AP3S2: variants seen among roughly 807,000 people sequenced by gnomAD.
AP3S2 encodes the protein adaptor related protein complex 3 subunit sigma 2.
AP3S2 carries 22 observed loss-of-function variants against 23.4 expected under a neutral mutation model. That is an observed-to-expected ratio of 0.94 (90% CI 0.67 to 1.34). The LOEUF is 1.34. Among genes scored for constraint, AP3S2 ranks in the 40% most tolerant of loss-of-function variants. AP3S2 has a pLI of 0.00. For synonymous variants in AP3S2, 86 were observed against 87.1 expected (o/e 0.99, Z 0.07); for missense variants, 241 against 236.9 (o/e 1.02, Z -0.11).
At chr15:89,837,552 C>T (rs1895223276) in intron 5 of AP3S2, 63 bp downstream of exon 5, 14 of 1,593,584 alleles carry the variant, frequency 8.8e-6, no homozygotes, top group Non-Finnish European at 1.0e-5. Flanking sequence ...CACATGTACA[C>T]ACTCCTGCCT....
Position 89,871,479 on chromosome 15 carries a change from T to C in AP3S2, c.341A>G (p.Asp114Gly). ...VCELDLIFHMDKVHYILQEVV... is the reference protein window; with the variant it reads ...VCELDLIFHMGKVHYILQEVV... ...GAGAACTGCAAGAGAATATACCTTATCCATATGGAAGATCAAATCCAATTC... is the reference window on the plus strand; with the variant it reads ...GAGAACTGCAAGAGAATATACCTTACCCATATGGAAGATCAAATCCAATTC... The change falls in exon 4 of 6, where the codon GAT becomes GGT. Residue 114 changes from aspartate to glycine, a missense_variant. Coordinates refer to ENST00000336418, the MANE Select transcript of AP3S2 (RefSeq NM_005829.5). 6.2e-7 allele frequency: 1 copy of C among 1,613,458 alleles called. No homozygotes were observed. Among genetic ancestry groups the C allele is most frequent in the East Asian group, 2.2e-5 (1 of 44,802 alleles).
chr15:89,863,979 A>G (rs752225681), intron 4 of AP3S2, among the ~76,000 whole-genome samples: 66 of 152,340 alleles, frequency 4.3e-4, no homozygotes, highest in Middle Eastern at 6.8e-3. Context: ...GAAGCCACCT[A>G]TTGGAAGCCT....
chr15:89,851,794 G>A lies in AP3S2; in HGVS notation c.346-14072C>T, dbSNP rs16943655. ...TTCCTATTATGAGTCAGGGTTCTCC[G>A]TGAAATCATTTTTTTTTTTTTTAAT... On this transcript the variant is annotated intron_variant, in intron 4 of 5. Transcript: ENST00000336418. Among the ~76,000 whole-genome samples, 334 of 104,682 alleles carry A rather than the reference G, an allele frequency of 3.2e-3. 3 individuals are homozygous for A. In the Admixed American group the frequency reaches 0.035, roughly 11 times the overall value. The allele number at this position is 104,682 out of a possible 152,430, so 68.7% of individuals were successfully genotyped here.
At chr15:89,868,371 C>A (rs1229935004) in intron 4 of AP3S2, among the ~76,000 whole-genome samples, 1 of 71,428 alleles carries the variant, frequency 1.4e-5, no homozygotes, top group African/African-American at 5.0e-5. Context: ...CGGCCAGCCG[C>A]CCTGTCCGGG....
At chr15:89,835,701 TAAAA>T (rs5814404) in intron 5 of AP3S2, 58 bp from the exon 6 acceptor site, 27,321 of 1,013,590 alleles carry the variant, frequency 0.027, no homozygotes, top group East Asian at 0.039. Context: ...TGCTTAATGC[TAAAA>T]AAAAAAAAAA....
At chr15:89,879,638 C>T (rs751108663) in intron 3 of AP3S2, among the ~76,000 whole-genome samples, 1 of 152,158 alleles carries the variant, frequency 6.6e-6, no homozygotes, top group Non-Finnish European at 1.5e-5. Context: ...TGGGGTCTCA[C>T]TTTGTCACCC....
At chr15:89,837,520 G>T in intron 5 of AP3S2, 95 bp downstream of exon 5, 2 of 1,418,130 alleles carry the variant, frequency 1.4e-6, no homozygotes, top group Non-Finnish European at 2.0e-6. Context: ...ATTTCCCGAG[G>T]TTTCACAGCA....
chr15:89,837,427 T>C (rs371670641), intron 5 of AP3S2, among the ~76,000 whole-genome samples, 188 bp downstream of exon 5: 1 of 152,216 alleles, frequency 6.6e-6, no homozygotes, highest in East Asian at 1.9e-4. Flanking sequence ...ATTTCAAACT[T>C]GTTACCTGTT....
At chr15:89,858,513 GAGAGAGAGAGAGAAAGAA>G (rs1248991587) in intron 4 of AP3S2, among the ~76,000 whole-genome samples, 25 of 52,128 alleles carry the variant, frequency 4.8e-4, no homozygotes, top group African/African-American at 1.4e-3. Flanking sequence ...GAGAGAGAGA[GAGAGAGAGAGAGAAAGAA>G]AGAAAGAAAG....
Position 89,893,986 on chromosome 15 carries a change from C to T in AP3S2, c.-37G>A. 2 of 1,544,262 alleles carry T rather than the reference C, an allele frequency of 1.3e-6. No homozygotes were observed. The highest frequency in any genetic ancestry group is 1.8e-6 in the Non-Finnish European group (2 of 1,142,466). On this transcript the variant is annotated 5_prime_UTR_variant, in exon 1 of 6. Coordinates refer to ENST00000336418, the MANE Select transcript of AP3S2 (RefSeq NM_005829.5). ...ACGGTTCTCTCAGCACCGGCTACTCCCAGAAAGCTCCTCCTTCCGCCACAA... is the reference window on the plus strand; with the variant it reads ...ACGGTTCTCTCAGCACCGGCTACTCTCAGAAAGCTCCTCCTTCCGCCACAA...
chr15:89,893,849 G>A (rs779137198), intron 1 of AP3S2, 32 bp downstream of exon 1: 55 of 1,550,942 alleles, frequency 3.5e-5, no homozygotes, highest in Non-Finnish European at 4.6e-5. Flanking sequence ...TGGGCGCCCT[G>A]AAGGGGCGTG....
intron 1 of AP3S2, among the ~76,000 whole-genome samples, chr15:89,891,491 T>G (rs1370359737): frequency 6.6e-6 from 1 of 151,976 alleles, no homozygotes; most frequent in African/African-American, 2.4e-5. Flanking sequence ...AAACCCCATC[T>G]CTACTAAAAA....
intron 4 of AP3S2, among the ~76,000 whole-genome samples, chr15:89,856,600 G>T (rs990346287): frequency 2.0e-5 from 3 of 151,764 alleles, no homozygotes; most frequent in Non-Finnish European, 4.4e-5. Context: ...TACTCGGAAG[G>T]CTGAGGCAGG....
chr15:89,857,652 T>G (rs12594808), intron 4 of AP3S2, among the ~76,000 whole-genome samples: 2 of 152,126 alleles, frequency 1.3e-5, no homozygotes, highest in Non-Finnish European at 1.5e-5. Flanking sequence ...AACCATGTTT[T>G]CTTCTTATTA....
chr15:89,888,900 G>T (rs1400135052), intron 2 of AP3S2, 149 bp downstream of exon 2: 3 of 905,480 alleles, frequency 3.3e-6, no homozygotes, highest in Non-Finnish European at 5.0e-6. Flanking sequence ...GCCCCAAAGA[G>T]AATTGTGTCT....
intron 4 of AP3S2, among the ~76,000 whole-genome samples, chr15:89,843,244 A>G (rs1167573006): frequency 6.6e-6 from 1 of 151,496 alleles, no homozygotes; most frequent in Non-Finnish European, 1.5e-5. Context: ...TTGGCCTCCC[A>G]AAGTGCTGGG....
chr15:89,884,797 C>T (rs1013675613), intron 3 of AP3S2, among the ~76,000 whole-genome samples: 1 of 152,068 alleles, frequency 6.6e-6, no homozygotes, highest in African/African-American at 2.4e-5. Flanking sequence ...CAGGCGCATG[C>T]CACCACACCC....
At chr15:89,847,753 C>G (rs1895532705) in intron 4 of AP3S2, among the ~76,000 whole-genome samples, 1 of 152,160 alleles carries the variant, frequency 6.6e-6, no homozygotes, top group African/African-American at 2.4e-5. Context: ...GTCTCCAAAC[C>G]TTAAATTGGT....
intron 1 of AP3S2, among the ~76,000 whole-genome samples, chr15:89,892,443 C>T (rs1050287591): frequency 6.6e-6 from 1 of 151,912 alleles, no homozygotes; most frequent in Non-Finnish European, 1.5e-5. Context: ...AGGCTGAGTC[C>T]GGTGGATTGC....
Sources: gnomAD v4.1 joint callset for allele counts (sites outside exome capture counted in the v4.1 genomes callset) on GRCh38, gnomAD v4.1.1 for gene constraint, MANE v1.5 for transcripts, NCBI Gene and HGNC (gene_info 2026-07-23, HGNC 2026-07-21) for gene names.